Variants in SPTLC3 observed in about 807,000 individuals in gnomAD.
The protein encoded by SPTLC3 is serine palmitoyltransferase 3.
SPTLC3 carries 36 observed loss-of-function variants against 59.3 expected under a neutral mutation model. The ratio of observed to expected loss-of-function variants is 0.61; its 90% confidence interval spans 0.47 to 0.80. SPTLC3 has a LOEUF of 0.80. Among genes scored for constraint, SPTLC3 ranks in the 30% least tolerant of loss-of-function variants. The probability of loss-of-function intolerance (pLI) is 0.00; values close to 1 mark genes in which losing one functional copy is unlikely to be tolerated. For missense variants in SPTLC3, 625 were observed against 685.1 expected, an observed-to-expected ratio of 0.91 and a Z score of 0.98; for synonymous variants, 257 against 240.8, an observed-to-expected ratio of 1.07 and a Z score of -0.62.
chr20:13,138,462 C>T (rs540334830), intron 9 of SPTLC3, among the ~76,000 whole-genome samples: 4 of 152,208 alleles, frequency 2.6e-5, no homozygotes, highest in South Asian at 2.1e-4. Context: ...GTTTTTACTT[C>T]TATTATGTTA....
At chr20:13,042,895 C>T (rs1987054456) in intron 1 of SPTLC3, among the ~76,000 whole-genome samples, 1 of 152,150 alleles carries the variant, frequency 6.6e-6, no homozygotes, top group Non-Finnish European at 1.5e-5. Context: ...ATAATTTTTA[C>T]CAGTTATGCT....
intron 9 of SPTLC3, among the ~76,000 whole-genome samples, chr20:13,143,615 G>T (rs2038437356): frequency 6.6e-6 from 1 of 152,122 alleles, no homozygotes; most frequent in African/African-American, 2.4e-5. Context: ...AAAGTCTGGG[G>T]GGCTTCCCCA....
intron 6 of SPTLC3, among the ~76,000 whole-genome samples, chr20:13,098,925 A>G (rs1989512223): frequency 6.6e-6 from 1 of 152,214 alleles, no homozygotes; most frequent in Non-Finnish European, 1.5e-5. Context: ...AGCTAGGGTC[A>G]GAGTCTGTCC....
intron 6 of SPTLC3, among the ~76,000 whole-genome samples, chr20:13,094,614 C>A (rs548906213): frequency 6.6e-6 from 1 of 152,274 alleles, no homozygotes; most frequent in South Asian, 2.1e-4. Context: ...TTCTGTTCTG[C>A]CCACCTCGCA....
At chr20:13,048,616 C>A (rs957142454) in intron 1 of SPTLC3, among the ~76,000 whole-genome samples, 4 of 152,144 alleles carry the variant, frequency 2.6e-5, no homozygotes, top group Non-Finnish European at 4.4e-5. Flanking sequence ...ATTTGATCAC[C>A]TGGTTAAAGT....
intron 2 of SPTLC3, among the ~76,000 whole-genome samples, chr20:13,064,450 C>T (rs1329979088): frequency 6.6e-6 from 1 of 152,176 alleles, no homozygotes; most frequent in Non-Finnish European, 1.5e-5. Flanking sequence ...TGCGCGCCAC[C>T]GCGCCCGGCT....
At chr20:13,058,822 C>T (rs549810995) in intron 2 of SPTLC3, among the ~76,000 whole-genome samples, 20 of 152,272 alleles carry the variant, frequency 1.3e-4, no homozygotes, top group African/African-American at 4.3e-4. Flanking sequence ...TTGATCCTTC[C>T]GTAACCGAGC....
intron 2 of SPTLC3, among the ~76,000 whole-genome samples, chr20:13,052,117 T>G (rs1987518411): frequency 6.6e-6 from 1 of 152,072 alleles, no homozygotes; most frequent in Non-Finnish European, 1.5e-5. Context: ...GCTCTGCAGC[T>G]CCCAGCAAGA....
chr20:13,070,574 A>C (rs910214322), intron 2 of SPTLC3, among the ~76,000 whole-genome samples: 2 of 152,226 alleles, frequency 1.3e-5, no homozygotes, highest in African/African-American at 4.8e-5. Flanking sequence ...CAAGTGCTCC[A>C]AAGCATAGGC....
chr20:13,138,202 T>A (rs1043807419), intron 9 of SPTLC3, among the ~76,000 whole-genome samples: 2 of 152,214 alleles, frequency 1.3e-5, no homozygotes, highest in African/African-American at 4.8e-5. Context: ...ACAAGTGCCA[T>A]GAGGGCAGAG....
At chr20:13,086,052 G>GA (rs201569014) in intron 4 of SPTLC3, among the ~76,000 whole-genome samples, 9 of 150,950 alleles carry the variant, frequency 6.0e-5, no homozygotes, top group African/African-American at 1.5e-4. Flanking sequence ...CAGAGAAACA[G>GA]AAAAAAAAAT....
chr20:13,134,290 T>A (rs1055161175), intron 9 of SPTLC3, among the ~76,000 whole-genome samples: 4 of 152,244 alleles, frequency 2.6e-5, no homozygotes, highest in African/African-American at 9.6e-5. Flanking sequence ...TATCTCCGAA[T>A]ACTTAACATC....
intron 4 of SPTLC3, among the ~76,000 whole-genome samples, chr20:13,090,799 C>G (rs192241308): frequency 2.0e-5 from 3 of 152,298 alleles, no homozygotes; most frequent in Non-Finnish European, 2.9e-5. Flanking sequence ...TTTTTTCACT[C>G]AACAACAGAT....
intron 1 of SPTLC3, among the ~76,000 whole-genome samples, chr20:13,030,754 A>C (rs1385571559): frequency 2.6e-5 from 4 of 151,500 alleles, no homozygotes; most frequent in African/African-American, 4.9e-5. Flanking sequence ...CCAACCGCAC[A>C]CCCTCCTTAC....
At chr20:13,048,574 G>C (rs982310731) in intron 1 of SPTLC3, among the ~76,000 whole-genome samples, 4 of 152,176 alleles carry the variant, frequency 2.6e-5, no homozygotes, top group African/African-American at 9.7e-5. Context: ...CAGGAGTGTA[G>C]AGTGGCTGCT....
At position 13,072,286 on chromosome 20, in the gene SPTLC3, A is replaced by C; in HGVS notation, c.334A>C (p.Asn112His). ...TGTGCCACTGTATCAAGACTTTGAAAATTTTTATACAAGAAACCTTTACAT... is the reference window on the plus strand; with the variant it reads ...TGTGCCACTGTATCAAGACTTTGAACATTTTTATACAAGAAACCTTTACAT... ...DFVPLYQDFE[N>H]FYTRNLYMRI... The change falls in exon 3 of 12, where the codon AAT becomes CAT. Residue 112 changes from asparagine (N) to histidine (H), a missense_variant. Asn to His is a moderately conservative substitution (Grantham distance 68). Coordinates refer to ENST00000399002, the MANE Select transcript of SPTLC3 (RefSeq NM_018327.4). The C allele has an allele frequency of 6.2e-7, 1 of 1,613,832 alleles. No homozygotes were observed. The highest frequency in any genetic ancestry group is 1.1e-5 in the South Asian group (1 of 91,026).
chr20:13,033,980 C>T (rs77128788), intron 1 of SPTLC3, among the ~76,000 whole-genome samples: 8,389 of 151,756 alleles, frequency 0.055, 271 homozygotes, highest in South Asian at 0.083. Flanking sequence ...GAAGAAATTA[C>T]GAAAAGTGAC....
chr20:13,091,402 G>A (rs750993068), intron 5 of SPTLC3, among the ~76,000 whole-genome samples, 195 bp downstream of exon 5: 11 of 151,742 alleles, frequency 7.2e-5, no homozygotes, highest in South Asian at 2.1e-4. Context: ...GTGAAACCCC[G>A]TCTCTACTAA....
chr20:13,148,096 G>A (rs564663278), intron 9 of SPTLC3, among the ~76,000 whole-genome samples: 24 of 152,144 alleles, frequency 1.6e-4, no homozygotes, highest in South Asian at 4.1e-4. Context: ...AGGTCATTCT[G>A]GTAGTTTCAG....
Sources: allele counts gnomAD v4.1 joint callset (sites outside exome capture counted in the v4.1 genomes callset), GRCh38; gene constraint gnomAD v4.1.1; transcripts MANE v1.5; gene names NCBI Gene and HGNC (gene_info 2026-07-23, HGNC 2026-07-21).